PDE4B: variants seen among roughly 807,000 people sequenced by gnomAD.
PDE4B encodes the protein phosphodiesterase 4B.
In PDE4B, 20 loss-of-function variants were observed where a neutral mutation model predicts 82.2. The ratio of observed to expected loss-of-function variants is 0.24; its 90% CI spans 0.17 to 0.35. PDE4B has a LOEUF of 0.35. Ranked by LOEUF, PDE4B falls within the 10% of genes least tolerant of loss-of-function variation. The pLI is 1.00. For missense variants in PDE4B, 655 were observed against 907.2 expected, an observed-to-expected ratio of 0.72 and a Z score of 3.57; for synonymous variants, 320 against 318.9, an observed-to-expected ratio of 1.00 and a Z score of -0.04.
chr1:66,223,358 G>GT (rs1031718226), intron 3 of PDE4B, among the ~76,000 whole-genome samples: 2 of 152,178 alleles, frequency 1.3e-5, no homozygotes, highest in African/African-American at 4.8e-5. Flanking sequence ...GGAAAAGGCT[G>GT]TATTTAGGTT....
chr1:66,218,772 A>AT (rs139562125), intron 3 of PDE4B, among the ~76,000 whole-genome samples: 2,942 of 152,214 alleles, frequency 0.019, 50 homozygotes, highest in Non-Finnish European at 0.03. Flanking sequence ...ATATTTATTC[A>AT]TTTTAGCACT....
chr1:65,963,851 A>G lies in PDE4B; in HGVS notation c.281+45016A>G, dbSNP rs146326763. Among the ~76,000 whole-genome samples the G allele has an allele frequency of 2.5e-3, 385 of 152,232 alleles. 6 individuals carry two copies. Among genetic ancestry groups the G allele is most frequent in the Admixed American group, 0.022 (334 of 15,278 alleles). Reference sequence around the variant, plus strand: ...ACTGGTTACCCAAACTAATTAGCTGAGCTTGGACTGTACAAATACCTTTTT... The same window carrying G: ...ACTGGTTACCCAAACTAATTAGCTGGGCTTGGACTGTACAAATACCTTTTT... On this transcript the variant is annotated intron_variant, in intron 3 of 16. Transcript: ENST00000341517.
intron 4 of PDE4B, among the ~76,000 whole-genome samples, chr1:66,256,936 T>C (rs1012722298): frequency 1.3e-5 from 2 of 152,176 alleles, no homozygotes; most frequent in Admixed American, 1.3e-4. Flanking sequence ...TTAAGTAGAT[T>C]TCTCAAAGTA....
At chr1:65,865,807 C>T (rs1204458077) in intron 1 of PDE4B, among the ~76,000 whole-genome samples, 1 of 152,186 alleles carries the variant, frequency 6.6e-6, no homozygotes, top group Non-Finnish European at 1.5e-5. Flanking sequence ...GGAGCTCAGA[C>T]TGGAGCCGTT....
At position 66,372,785 on chromosome 1, in the gene PDE4B, C is replaced by A; in HGVS notation, c.*107C>A. The stretch of plus-strand genomic sequence containing the variant: ...CAAGACCTGCACAGGACAAGGGCCA[C>A]CTGGCCTTTCAGTTACTTGAGTTTG... On this transcript the variant is annotated 3_prime_UTR_variant, in exon 17 of 17. Transcript: ENST00000341517. 2 of 1,148,068 alleles carry A rather than the reference C, an allele frequency of 1.7e-6. No individual in the cohort carries two copies. The highest frequency in any genetic ancestry group is 1.6e-5 in the South Asian group (1 of 60,918). 71.1% of individuals were successfully genotyped at this position (1,148,068 alleles called of 1,614,324 possible).
At chr1:66,287,757 C>T (rs763963801) in intron 7 of PDE4B, among the ~76,000 whole-genome samples, 7 of 152,052 alleles carry the variant, frequency 4.6e-5, no homozygotes, top group Non-Finnish European at 5.9e-5. Flanking sequence ...TTCTTGAGGC[C>T]AGGAGTTTGA....
chr1:66,357,751 GA>G (rs1157354849), intron 9 of PDE4B, among the ~76,000 whole-genome samples: 10 of 151,832 alleles, frequency 6.6e-5, no homozygotes, highest in Non-Finnish European at 2.9e-5. Context: ...AATATAGGAA[GA>G]AAAAAACCTG....
chr1:66,295,101 A>C (rs1328288122), intron 7 of PDE4B, among the ~76,000 whole-genome samples: 1 of 152,150 alleles, frequency 6.6e-6, no homozygotes, highest in Non-Finnish European at 1.5e-5. Context: ...TGAGATTTAG[A>C]AGTAGATCAG....
At chr1:65,944,440 C>T (rs1424342377) in intron 3 of PDE4B, among the ~76,000 whole-genome samples, 1 of 151,818 alleles carries the variant, frequency 6.6e-6, no homozygotes, top group Non-Finnish European at 1.5e-5. Flanking sequence ...AGTGCCCTGT[C>T]TGGCTTTGGT....
intron 1 of PDE4B, among the ~76,000 whole-genome samples, chr1:65,887,186 T>TTC (rs1646789411): frequency 1.7e-5 from 1 of 60,120 alleles, no homozygotes; most frequent in East Asian, 5.4e-4. Flanking sequence ...CTCCCTCCCT[T>TTC]TTTCTTTCTT....
chr1:65,960,660 T>C (rs1649500436), intron 3 of PDE4B, among the ~76,000 whole-genome samples: 1 of 152,096 alleles, frequency 6.6e-6, no homozygotes, highest in Non-Finnish European at 1.5e-5. Context: ...AACATACACA[T>C]TCAAAAATAA....
intron 3 of PDE4B, among the ~76,000 whole-genome samples, chr1:66,164,038 C>T (rs1646670408): frequency 6.6e-6 from 1 of 152,160 alleles, no homozygotes; most frequent in Non-Finnish European, 1.5e-5. Context: ...CAAGTCCCTG[C>T]CATAGACTTT....
chr1:66,059,709 G>C (rs766134764), intron 3 of PDE4B, among the ~76,000 whole-genome samples: 8 of 152,158 alleles, frequency 5.3e-5, no homozygotes, highest in Non-Finnish European at 8.8e-5. Flanking sequence ...ACCTCCCACT[G>C]TGTCCCTCCC....
At chr1:65,806,729 C>A (rs1481080495) in intron 1 of PDE4B, among the ~76,000 whole-genome samples, 3 of 152,316 alleles carry the variant, frequency 2.0e-5, no homozygotes, top group Middle Eastern at 3.4e-3. Context: ...CTGATCCTAT[C>A]TCTTCATTAC....
intron 3 of PDE4B, among the ~76,000 whole-genome samples, chr1:66,246,630 C>T (rs781013536): frequency 2.6e-5 from 4 of 152,156 alleles, no homozygotes; most frequent in Admixed American, 6.5e-5. Flanking sequence ...ATACCAGGAG[C>T]GTGGATACAG....
At chr1:65,813,746 G>A (rs1645845924) in intron 1 of PDE4B, among the ~76,000 whole-genome samples, 1 of 152,114 alleles carries the variant, frequency 6.6e-6, no homozygotes, top group South Asian at 2.1e-4. Context: ...ATGAATCAAG[G>A]ATAACTTCAG....
intron 3 of PDE4B, among the ~76,000 whole-genome samples, chr1:66,150,816 T>C (rs1646377431): frequency 6.6e-6 from 1 of 152,230 alleles, no homozygotes; most frequent in Admixed American, 6.5e-5. Context: ...CTTTAATTTG[T>C]AATTATGGTC....
At chr1:66,169,485 CT>C (rs1646798188) in intron 3 of PDE4B, among the ~76,000 whole-genome samples, 1 of 152,180 alleles carries the variant, frequency 6.6e-6, no homozygotes, top group Non-Finnish European at 1.5e-5. Flanking sequence ...GACCTATAAT[CT>C]CTCCAGGGTT....
intron 7 of PDE4B, among the ~76,000 whole-genome samples, chr1:66,309,709 A>C (rs528205764): frequency 1.3e-5 from 2 of 152,262 alleles, no homozygotes; most frequent in East Asian, 3.9e-4. Flanking sequence ...TAGAGCCATA[A>C]ATTTCATTTC....
Sources: gnomAD v4.1 joint callset for allele counts (sites outside exome capture counted in the v4.1 genomes callset) on GRCh38, gnomAD v4.1.1 for gene constraint, MANE v1.5 for transcripts, NCBI Gene and HGNC (gene_info 2026-07-23, HGNC 2026-07-21) for gene names.